The following TMTC3 variants were observed in gnomAD, a reference collection of about 807,000 sequenced individuals.
TMTC3 encodes the protein protein O-mannosyl-transferase TMTC3.
TMTC3 carries 52 observed loss-of-function variants against 92.2 expected under a neutral mutation model. The observed-to-expected ratio is 0.56, with a 90% CI of 0.45 to 0.71. The LOEUF is 0.71. TMTC3 is among the 30% of genes least tolerant of loss of function. TMTC3 has a pLI of 0.00. For synonymous variants in TMTC3, 339 were observed against 363.3 expected (o/e 0.93, Z 0.76); for missense variants, 896 against 1,057.1 (o/e 0.85, Z 2.11).
chr12:88,170,020 G>A (rs1000419114), intron 7 of TMTC3, among the ~76,000 whole-genome samples: 4 of 151,930 alleles, frequency 2.6e-5, no homozygotes, highest in Non-Finnish European at 5.9e-5. Context: ...GAAATGAGAA[G>A]TAAAGCAGAT....
At chr12:88,180,434 G>T (rs2041304858) in intron 10 of TMTC3, among the ~76,000 whole-genome samples, 1 of 152,050 alleles carries the variant, frequency 6.6e-6, no homozygotes, top group African/African-American at 2.4e-5. Flanking sequence ...CTAATAGAGA[G>T]TAGCAGGTAC....
At chr12:88,171,783 A>T (rs1043298539) in intron 7 of TMTC3, among the ~76,000 whole-genome samples, 22 of 152,160 alleles carry the variant, frequency 1.4e-4, no homozygotes, top group Middle Eastern at 6.8e-3. Flanking sequence ...AAGCCTTCCT[A>T]CTGTTTGCTT....
chr12:88,153,221 G>T, intron 2 of TMTC3, 70 bp from the exon 3 acceptor site: 1 of 900,576 alleles, frequency 1.1e-6, no homozygotes, highest in Non-Finnish European at 1.7e-6. Flanking sequence ...AATGGTAAAT[G>T]CAGTGATGAG....
intron 4 of TMTC3, 104 bp downstream of exon 4, chr12:88,154,491 G>T: frequency 4.9e-6 from 3 of 614,164 alleles, no homozygotes; most frequent in South Asian, 6.0e-5. Context: ...ACCACATTTG[G>T]GATTTATCTT....
chr12:88,158,500 T>C (rs1481855971), intron 4 of TMTC3, among the ~76,000 whole-genome samples: 3 of 152,134 alleles, frequency 2.0e-5, no homozygotes, highest in Admixed American at 2.0e-4. Context: ...ATTTTTTTTT[T>C]TAAGGAAAGA....
At chr12:88,157,097 T>C (rs2041021254) in intron 4 of TMTC3, among the ~76,000 whole-genome samples, 3 of 152,150 alleles carry the variant, frequency 2.0e-5, no homozygotes, top group Admixed American at 2.0e-4. Flanking sequence ...CATTTTTTGA[T>C]CTTCATTTCC....
intron 2 of TMTC3, 96 bp downstream of exon 2, chr12:88,148,600 AAC>A: frequency 1.1e-6 from 1 of 904,974 alleles, no homozygotes; most frequent in Non-Finnish European, 1.6e-6. Context: ...TTATCATCAC[AAC>A]AGTTACAGAT....
At chr12:88,163,949 G>A (rs1204571448) in intron 6 of TMTC3, among the ~76,000 whole-genome samples, 1 of 152,060 alleles carries the variant, frequency 6.6e-6, no homozygotes, top group African/African-American at 2.4e-5. Flanking sequence ...TGTAATCCCA[G>A]CACTTTGAGA....
chr12:88,145,308 A>G (rs1045400497), intron 1 of TMTC3, among the ~76,000 whole-genome samples: 1 of 152,020 alleles, frequency 6.6e-6, no homozygotes, highest in African/African-American at 2.4e-5. Flanking sequence ...CAGTTTCCTC[A>G]TGTTGAAGGA....
At chr12:88,161,257 G>A (rs1442110613) in intron 6 of TMTC3, among the ~76,000 whole-genome samples, 1 of 152,040 alleles carries the variant, frequency 6.6e-6, no homozygotes, top group Non-Finnish European at 1.5e-5. Context: ...TCTGCTATTA[G>A]GTGCGTAAAC....
intron 1 of TMTC3, among the ~76,000 whole-genome samples, chr12:88,146,105 C>T (rs750501114): frequency 6.6e-6 from 1 of 152,062 alleles, no homozygotes; most frequent in Non-Finnish European, 1.5e-5. Flanking sequence ...GAGTCAGGTC[C>T]CCGTCTGCCT....
chr12:88,169,737 G>T (rs1287651065), intron 7 of TMTC3, among the ~76,000 whole-genome samples: 3 of 152,016 alleles, frequency 2.0e-5, no homozygotes, highest in Non-Finnish European at 4.4e-5. Context: ...CCAGGAGTTT[G>T]GGACAAACCT....
chr12:88,171,815 C>A (rs2138405203), intron 7 of TMTC3, among the ~76,000 whole-genome samples: 1 of 152,186 alleles, frequency 6.6e-6, no homozygotes, highest in South Asian at 2.1e-4. Flanking sequence ...TAATTTACAT[C>A]CCACCAACAG....
chr12:88,174,494 A>T, intron 8 of TMTC3, 113 bp from the exon 9 acceptor site: 2 of 1,215,812 alleles, frequency 1.6e-6, no homozygotes, highest in Non-Finnish European at 2.2e-6. Flanking sequence ...AGAATAAATT[A>T]ACATATGATA....
intron 6 of TMTC3, among the ~76,000 whole-genome samples, chr12:88,162,191 G>C (rs941323422): frequency 6.6e-6 from 1 of 151,934 alleles, no homozygotes; most frequent in African/African-American, 2.4e-5. Context: ...GTTTTCAGTG[G>C]GAAAACCTCT....
intron 7 of TMTC3, among the ~76,000 whole-genome samples, chr12:88,172,113 G>A (rs1267466464): frequency 6.6e-6 from 1 of 151,994 alleles, no homozygotes; most frequent in African/African-American, 2.4e-5. Context: ...TATTTAACTG[G>A]ATGAACCTTT....
rs76192167 is a variant in TMTC3, at chr12:88,198,748, A to G, written c.*3099A>G. On this transcript the variant is annotated 3_prime_UTR_variant, in exon 14 of 14. Transcript: ENST00000266712. ...GATGCTTTAATGAAAAGTATTAAGA[A>G]AATATATAGATTTGTATGTCAGTTT... 4.9e-6 allele frequency: 1 copy of G among 203,196 alleles called. No homozygotes were observed. Among genetic ancestry groups the G allele is most frequent in the Non-Finnish European group, 9.8e-6 (1 of 102,534 alleles). 12.6% of individuals were successfully genotyped at this position (203,196 alleles called of 1,614,324 possible).
rs554592964 is a variant in TMTC3, at chr12:88,189,609, G to A, written c.1536+663G>A. 2.0e-4 allele frequency among the ~76,000 whole-genome samples: 31 copies of A among 152,074 alleles called. 1 individual carries two copies. Among genetic ancestry groups the A allele is most frequent in the Middle Eastern group, 3.4e-3 (1 of 294 alleles). Reference sequence around the variant, plus strand: ...GTAGATACATCTCTTACTATATTGTGTCCATCAGTTGTTAGAATAAGATTC... The same window carrying A: ...GTAGATACATCTCTTACTATATTGTATCCATCAGTTGTTAGAATAAGATTC... On this transcript the variant is annotated intron_variant, in intron 11 of 13. Coordinates refer to ENST00000266712, the MANE Select transcript of TMTC3 (RefSeq NM_181783.4).
chr12:88,157,829 CA>C (rs2041028913), intron 4 of TMTC3, among the ~76,000 whole-genome samples: 1 of 152,072 alleles, frequency 6.6e-6, no homozygotes, highest in South Asian at 2.1e-4. Flanking sequence ...ATTGTAAAAT[CA>C]AAGTGTTTAT....
Sources: allele counts gnomAD v4.1 joint callset (sites outside exome capture counted in the v4.1 genomes callset), GRCh38; gene constraint gnomAD v4.1.1; transcripts MANE v1.5; gene names NCBI Gene and HGNC (gene_info 2026-07-23, HGNC 2026-07-21).